Variants in LGR6 observed in about 807,000 individuals in gnomAD.
LGR6 encodes the protein leucine-rich repeat-containing G protein-coupled receptor 6.
LGR6 carries 45 observed loss-of-function variants against 69.4 expected under a neutral mutation model. That is an observed-to-expected ratio of 0.65 (90% CI 0.51 to 0.83). LGR6 has a LOEUF of 0.83. Ranked by LOEUF, LGR6 falls within the 40% of genes least tolerant of loss-of-function variation. The probability of loss-of-function intolerance (pLI) is 0.00; values close to 1 mark genes in which losing one functional copy is unlikely to be tolerated. For synonymous variants in LGR6, 538 were observed against 555.0 expected (o/e 0.97, Z 0.43); for missense variants, 1,108 against 1,246.7 (o/e 0.89, Z 1.68).
rs376172606 is a variant in LGR6, at chr1:202,197,115, A to G, written c.212+2914A>G. 66 of 531,696 alleles carry G rather than the reference A, an allele frequency of 1.2e-4. 1 individual carries two copies. In the East Asian group the frequency reaches 2.9e-3, roughly 24 times the overall value. 32.9% of individuals were successfully genotyped at this position (531,696 alleles called of 1,614,324 possible). A position where few individuals can be genotyped will look rare whatever the true frequency, so the allele number is the denominator to read the frequency against. ...CCAGGAGCTATGGGCTCCAGAAGGTACCCGCAAGTCCTCTTGCACATTCCT... is the reference window on the plus strand; with the variant it reads ...CCAGGAGCTATGGGCTCCAGAAGGTGCCCGCAAGTCCTCTTGCACATTCCT... On this transcript the variant is annotated intron_variant, in intron 1 of 17. Transcript: ENST00000367278.
At chr1:202,225,220 C>A in intron 1 of LGR6, 1 of 524,702 alleles carries the variant, frequency 1.9e-6, no homozygotes, top group South Asian at 2.0e-5. Flanking sequence ...CACCAAATGA[C>A]CCGGGAGGCC....
At chr1:202,218,037 A>G (rs1186060162) in intron 1 of LGR6, among the ~76,000 whole-genome samples, 1 of 152,234 alleles carries the variant, frequency 6.6e-6, no homozygotes, top group East Asian at 1.9e-4. Context: ...CTAGTATTCA[A>G]GTCATCTCTG....
At chr1:202,221,866 G>A (rs1298157542) in intron 1 of LGR6, among the ~76,000 whole-genome samples, 2 of 152,232 alleles carry the variant, frequency 1.3e-5, no homozygotes, top group Admixed American at 1.3e-4. Flanking sequence ...GGGCCTGAAT[G>A]TTTGAGCTGT....
rs534355271 is a variant in LGR6 at position 202,212,925 on chromosome 1, C to G, written c.213-12498C>G. 7.5e-4 allele frequency among the ~76,000 whole-genome samples: 114 copies of G among 152,238 alleles called. 1 individual carries two copies. Among genetic ancestry groups the G allele is most frequent in the African/African-American group, 2.1e-3 (89 of 41,530 alleles). On this transcript the variant is annotated intron_variant, in intron 1 of 17. Coordinates refer to ENST00000367278, the MANE Select transcript of LGR6 (RefSeq NM_001017403.2). ...TGATGGCAAATCATGTCTCTCTTGGCCAGCTCAGGCCAAGCTTCCTCCAGG... is the reference window on the plus strand; with the variant it reads ...TGATGGCAAATCATGTCTCTCTTGGGCAGCTCAGGCCAAGCTTCCTCCAGG...
At chr1:202,244,214 C>T (rs1413634759) in intron 4 of LGR6, among the ~76,000 whole-genome samples, 6 of 152,286 alleles carry the variant, frequency 3.9e-5, no homozygotes, top group African/African-American at 1.4e-4. Context: ...GCCTTGGCCT[C>T]CCAAAGTGCT....
At chr1:202,203,100 TC>T (rs1395953985) in intron 1 of LGR6, among the ~76,000 whole-genome samples, 2 of 152,118 alleles carry the variant, frequency 1.3e-5, no homozygotes, top group Non-Finnish European at 2.9e-5. Context: ...ATGAAGTGCT[TC>T]TTTGTATAGG....
intron 4 of LGR6, among the ~76,000 whole-genome samples, chr1:202,265,456 G>A (rs1312190712): frequency 1.3e-5 from 2 of 152,202 alleles, no homozygotes; most frequent in East Asian, 3.8e-4. Context: ...CAGAGACCAG[G>A]GTCTTCATAG....
chr1:202,197,545 C>G, intron 1 of LGR6: 1 of 493,530 alleles, frequency 2.0e-6, no homozygotes, highest in South Asian at 1.5e-5. Flanking sequence ...GAGCCCCTGG[C>G]TCTGGGACAT....
At chr1:202,270,279 G>A (rs997966913) in intron 4 of LGR6, among the ~76,000 whole-genome samples, 3 of 150,450 alleles carry the variant, frequency 2.0e-5, no homozygotes, top group Non-Finnish European at 3.0e-5. Context: ...TTTTGCTCTC[G>A]TTGCCCAGGC....
rs369459814 is a variant in LGR6 at position 202,306,950 on chromosome 1, A to G, written c.1208+11A>G. 2.4e-5 allele frequency: 38 copies of G among 1,611,480 alleles called. No homozygotes were observed. Among genetic ancestry groups the G allele is most frequent in the Non-Finnish European group, 3.1e-5 (36 of 1,177,806 alleles). ...CTCCCTGCAAGCCCTGTGAGTACCC[A>G]CATCCAGGGGTGGGCCATGGAGGAG... On this transcript the variant is annotated intron_variant, in intron 13 of 17. Coordinates refer to ENST00000367278, the MANE Select transcript of LGR6 (RefSeq NM_001017403.2).
intron 1 of LGR6, among the ~76,000 whole-genome samples, chr1:202,222,347 G>T (rs1660214833): frequency 6.6e-6 from 1 of 152,108 alleles, no homozygotes; most frequent in Non-Finnish European, 1.5e-5. Context: ...CGGGTGGAGG[G>T]GTTCAGGCCC....
intron 13 of LGR6, 97 bp from the exon 14 acceptor site, chr1:202,307,233 C>A (rs993491384): frequency 2.6e-6 from 3 of 1,160,912 alleles, no homozygotes; most frequent in Non-Finnish European, 2.6e-6. Flanking sequence ...TTACTGGGGG[C>A]AGGTCAGATG....
Position 202,245,645 on chromosome 1 carries a change from G to A in LGR6, c.428+9652G>A, listed in dbSNP as rs572725550. Among the ~76,000 whole-genome samples the A allele has an allele frequency of 3.6e-4, 55 of 152,272 alleles. 1 individual carries two copies. Among genetic ancestry groups the A allele is most frequent in the African/African-American group, 1.3e-3 (52 of 41,544 alleles). ...GCTCAAGCAGGCCAAGGCCTGAGAG[G>A]CCTGAGGCAAGAGTACCCCGGGTGT... On this transcript the variant is annotated intron_variant, in intron 4 of 17. Transcript: ENST00000367278.
intron 16 of LGR6, among the ~76,000 whole-genome samples, chr1:202,314,163 TC>T (rs1350269226): frequency 1.3e-5 from 2 of 152,220 alleles, no homozygotes; most frequent in Admixed American, 1.3e-4. Context: ...CATCCATTGA[TC>T]CTGGTTCTAC....
intron 7 of LGR6, among the ~76,000 whole-genome samples, chr1:202,297,960 C>T (rs1266233244): frequency 1.3e-5 from 2 of 152,236 alleles, no homozygotes; most frequent in African/African-American, 4.8e-5. Flanking sequence ...CTCCTCAGCA[C>T]CTTGTCCCCA....
chr1:202,286,853 T>G (rs190387482), intron 6 of LGR6, among the ~76,000 whole-genome samples: 14 of 152,294 alleles, frequency 9.2e-5, no homozygotes, highest in Middle Eastern at 3.4e-3. Context: ...TAATAGTTCT[T>G]CCCAGCACAA....
At chr1:202,271,664 C>T (rs955948479) in intron 4 of LGR6, among the ~76,000 whole-genome samples, 20 of 151,986 alleles carry the variant, frequency 1.3e-4, no homozygotes, top group East Asian at 3.9e-4. Flanking sequence ...AAAAATTAGC[C>T]GGGCTTGGTG....
chr1:202,261,942 TC>T (rs1234744986), intron 4 of LGR6, among the ~76,000 whole-genome samples: 97 of 152,370 alleles, frequency 6.4e-4, no homozygotes, highest in African/African-American at 2.2e-3. Context: ...TTTGTTTTTT[TC>T]TTGTAAATTT....
intron 4 of LGR6, among the ~76,000 whole-genome samples, chr1:202,257,930 T>G (rs1446401303): frequency 6.6e-6 from 1 of 152,264 alleles, no homozygotes; most frequent in South Asian, 2.1e-4. Context: ...AATATTGTCT[T>G]CCAATCCATG....
Sources: allele counts gnomAD v4.1 joint callset (sites outside exome capture counted in the v4.1 genomes callset), GRCh38; gene constraint gnomAD v4.1.1; transcripts MANE v1.5; gene names NCBI Gene and HGNC (gene_info 2026-07-23, HGNC 2026-07-21).